The following ZNF473 variants were observed in gnomAD, a reference collection of about 807,000 sequenced individuals.
The protein encoded by ZNF473 is zinc finger protein 473, also known as zinc finger protein 100 homolog.
ZNF473 carries 4 observed loss-of-function variants against 11.1 expected under a neutral mutation model. The ratio of observed to expected loss-of-function variants is 0.36; its 90% CI spans 0.18 to 0.82. The LOEUF (loss-of-function observed/expected upper bound fraction) is 0.82. ZNF473 is among the 40% of genes least tolerant of loss of function. ZNF473 has a pLI of 0.49. For synonymous variants in ZNF473, 404 were observed against 390.4 expected (o/e 1.03, Z -0.41); for missense variants, 854 against 1,084.0 (o/e 0.79, Z 2.98).
In ZNF473 at chr19:50,047,516, G is replaced by T; in HGVS notation, c.*457G>T. ...CAAATATACTTGTGTTACAAGAAAG[G>T]AATTAGTAATCTGTGTTTACTGTAG... is the stretch of plus-strand genomic sequence containing the variant. On this transcript the variant is annotated 3_prime_UTR_variant, in exon 5 of 5. Coordinates refer to ENST00000270617, the MANE Select transcript of ZNF473 (RefSeq NM_015428.4). 1 of 159,688 alleles carries T rather than the reference G, an allele frequency of 6.3e-6. No homozygotes were observed. The highest frequency in any genetic ancestry group is 5.9e-5 in the Admixed American group (1 of 17,048). The allele number at this position is 159,688 out of a possible 1,614,324, so 9.9% of individuals were successfully genotyped here.
chr19:50,040,668 A>G (rs1330085245), intron 3 of ZNF473: 2 of 152,332 alleles, frequency 1.3e-5, no homozygotes, highest in South Asian at 2.1e-4. Flanking sequence ...CCAGCTCCCC[A>G]TCAGTGTCAC....
intron 4 of ZNF473, among the ~76,000 whole-genome samples, chr19:50,044,196 G>C (rs1239791001): frequency 6.6e-6 from 1 of 152,122 alleles, no homozygotes; most frequent in African/African-American, 2.4e-5. Context: ...GAAGGGAGTT[G>C]AGACATTTCG....
In ZNF473 at chr19:50,046,111, A is replaced by G. The variant is rs773073974; in HGVS notation, c.1668A>G (p.Glu556=). 1.6e-5 allele frequency: 26 copies of G among 1,614,100 alleles called. No individual in the cohort carries two copies. Among genetic ancestry groups the G allele is most frequent in the Non-Finnish European group, 1.9e-5 (22 of 1,180,044 alleles). The change falls in exon 5 of 5, where the codon GAA becomes GAG. Residue 556 remains glutamate, a synonymous_variant. Coordinates refer to ENST00000270617, the MANE Select transcript of ZNF473 (RefSeq NM_015428.4). This position sits in a 1 kb window ranked among gnomAD's most constrained non-coding sequence, Gnocchi z 5.9. Reference sequence around the variant, plus strand: ...GGAAGATCTTGGATCAGAACCCAGAACAGAAAGAGAAGTGCTTTAAGTGTA... The same window carrying G: ...GGAAGATCTTGGATCAGAACCCAGAGCAGAAAGAGAAGTGCTTTAAGTGTA... ...VSGKILDQNP[E]QKEKCFKCNK...
intron 2 of ZNF473, among the ~76,000 whole-genome samples, chr19:50,037,951 A>G (rs1200196242): frequency 6.6e-6 from 1 of 151,448 alleles, no homozygotes; most frequent in Admixed American, 6.6e-5. Flanking sequence ...AGGAGAGTCA[A>G]GCATTTACCC....
chr19:50,044,341 TATG>T (rs1480446680), intron 4 of ZNF473, among the ~76,000 whole-genome samples: 1 of 151,892 alleles, frequency 6.6e-6, no homozygotes, highest in African/African-American at 2.4e-5. Flanking sequence ...GGATGCAGGA[TATG>T]AGGAGGAAGA....
At chr19:50,043,803 G>A (rs1978920373) in intron 4 of ZNF473, among the ~76,000 whole-genome samples, 1 of 152,014 alleles carries the variant, frequency 6.6e-6, no homozygotes, top group South Asian at 2.1e-4. Context: ...GGGACTTAAA[G>A]CAGAATGGGG....
intron 4 of ZNF473, 189 bp downstream of exon 4, chr19:50,042,008 C>A: frequency 2.1e-6 from 1 of 476,588 alleles, no homozygotes; most frequent in East Asian, 3.9e-5. Context: ...TTTATAGACC[C>A]TCACTCTGGG....
intron 4 of ZNF473, among the ~76,000 whole-genome samples, chr19:50,044,121 A>G (rs1445648412): frequency 6.6e-6 from 1 of 152,136 alleles, no homozygotes; most frequent in Non-Finnish European, 1.5e-5. Context: ...AGAGAGAGAC[A>G]GACAAACAGG....
intron 2 of ZNF473, among the ~76,000 whole-genome samples, chr19:50,036,534 C>T (rs59716573): frequency 0.049 from 7,362 of 149,808 alleles, 614 homozygotes; most frequent in African/African-American, 0.17. Flanking sequence ...CTGTGTTAGC[C>T]AGGATGGTGT....
intron 2 of ZNF473, among the ~76,000 whole-genome samples, chr19:50,033,632 C>G (rs958928637): frequency 6.6e-6 from 1 of 152,114 alleles, no homozygotes; most frequent in Non-Finnish European, 1.5e-5. Context: ...CAAATTTATT[C>G]TTTTACAGTT....
intron 1 of ZNF473, 130 bp from the exon 2 acceptor site, chr19:50,030,762 A>C: frequency 2.2e-6 from 1 of 451,552 alleles, no homozygotes; most frequent in Non-Finnish European, 4.1e-6. Flanking sequence ...TCTCCTAAAC[A>C]TGTGCTGACT....
At chr19:50,040,726 A>G (rs1978720927) in intron 3 of ZNF473, 1 of 152,246 alleles carries the variant, frequency 6.6e-6, no homozygotes, top group South Asian at 2.1e-4. Context: ...TTTCTTTTTG[A>G]AGAACCAGAA....
Position 50,045,391 on chromosome 19 carries a change from T to C in ZNF473, c.948T>C (p.Asp316=), listed in dbSNP as rs1208221693. Residue 316 remains aspartate (D), a synonymous_variant, in exon 5 of 5, where the codon GAT becomes GAC. Coordinates refer to ENST00000270617, the MANE Select transcript of ZNF473 (RefSeq NM_015428.4). The part of the protein sequence containing the change: ...QPGEHQKTHT[D]SKSYNCNECG... The stretch of plus-strand genomic sequence containing the variant: ...GTGAGCATCAGAAAACTCACACAGA[T>C]AGTAAGTCCTACAACTGTAACGAAT... The C allele has an allele frequency of 3.1e-6, 5 of 1,614,036 alleles. No homozygotes were observed. In the Admixed American group the frequency reaches 8.3e-5, roughly 27 times the overall value.
chr19:50,035,332 A>G (rs1978363551), intron 2 of ZNF473, among the ~76,000 whole-genome samples: 2 of 152,034 alleles, frequency 1.3e-5, no homozygotes, highest in African/African-American at 2.4e-5. Flanking sequence ...AGTCGACGGT[A>G]GAGTTCATAT....
chr19:50,041,867 C>A, intron 4 of ZNF473, 48 bp downstream of exon 4: 1 of 1,486,676 alleles, frequency 6.7e-7, no homozygotes, highest in Non-Finnish European at 9.2e-7. Flanking sequence ...TCTTCCAGAC[C>A]TCCATCCTGA....
At chr19:50,026,877 G>T (rs1034406328) in intron 1 of ZNF473, among the ~76,000 whole-genome samples, 9 of 152,150 alleles carry the variant, frequency 5.9e-5, no homozygotes, top group African/African-American at 2.2e-4. Context: ...GTTTTATTTT[G>T]GTTTTGGTTG....
intron 2 of ZNF473, among the ~76,000 whole-genome samples, chr19:50,038,193 AT>A (rs200773127): frequency 0.052 from 7,562 of 146,532 alleles, 639 homozygotes; most frequent in African/African-American, 0.18. Context: ...AAATTTATAA[AT>A]TTATAAATTA....
chr19:50,043,653 G>A (rs1052437386), intron 4 of ZNF473, among the ~76,000 whole-genome samples: 1 of 152,012 alleles, frequency 6.6e-6, no homozygotes, highest in African/African-American at 2.4e-5. Flanking sequence ...GGCCGCCTCT[G>A]TGGCAGTGGA....
At chr19:50,033,544 A>G (rs1029316898) in intron 2 of ZNF473, among the ~76,000 whole-genome samples, 20 of 152,186 alleles carry the variant, frequency 1.3e-4, no homozygotes, top group Admixed American at 1.1e-3. Flanking sequence ...CCTGCTTAGC[A>G]TCACCACTGG....
Sources: allele counts gnomAD v4.1 joint callset (sites outside exome capture counted in the v4.1 genomes callset), GRCh38; gene constraint gnomAD v4.1.1; non-coding constraint Gnocchi (gnomAD v3.1); transcripts MANE v1.5; gene names NCBI Gene and HGNC (gene_info 2026-07-23, HGNC 2026-07-21).